ZNF385B: variants seen among roughly 807,000 people sequenced by gnomAD.
ZNF385B encodes zinc finger protein 385B, also known as zinc finger protein 533.
ZNF385B carries 23 observed loss-of-function variants against 39.2 expected under a neutral mutation model. The observed-to-expected ratio is 0.59, with a 90% confidence interval of 0.42 to 0.83. ZNF385B has a LOEUF of 0.83. Among genes scored for constraint, ZNF385B ranks in the 40% least tolerant of loss-of-function variants. ZNF385B has a pLI of 0.00. For missense variants in ZNF385B, 552 were observed against 598.9 expected, an observed-to-expected ratio of 0.92 and a Z score of 0.82; for synonymous variants, 205 against 222.6, an observed-to-expected ratio of 0.92 and a Z score of 0.70.
At chr2:179,744,859 A>G (rs895954713) in intron 3 of ZNF385B, among the ~76,000 whole-genome samples, 13 of 152,050 alleles carry the variant, frequency 8.5e-5, no homozygotes, top group Admixed American at 6.6e-4. Context: ...TAGAAACACC[A>G]GAATTAGAGT....
At chr2:179,738,174 A>G (rs1559147212) in intron 3 of ZNF385B, among the ~76,000 whole-genome samples, 1 of 152,220 alleles carries the variant, frequency 6.6e-6, no homozygotes, top group Non-Finnish European at 1.5e-5. Flanking sequence ...GAAGTTCTTT[A>G]TATCAAGCAA....
intron 5 of ZNF385B, among the ~76,000 whole-genome samples, chr2:179,499,123 A>G (rs1303127093): frequency 6.6e-6 from 1 of 152,012 alleles, no homozygotes; most frequent in Admixed American, 6.6e-5. Flanking sequence ...AACCAGGAAA[A>G]AATCCCAAAC....
rs1262426841 is a variant in ZNF385B, at chr2:179,537,762, CAAACA to C, written c.441+7060_441+7064del. Among the ~76,000 whole-genome samples the C allele has an allele frequency of 9.4e-3, 1,263 of 133,746 alleles. 17 individuals carry two copies. Among genetic ancestry groups the C allele is most frequent in the African/African-American group, 0.031 (1,195 of 38,480 alleles). 87.7% of individuals were successfully genotyped at this position (133,746 alleles called of 152,430 possible). ...TCTCAAAAACAAACAAACAAACAAACAAACAAAAAAAAAAATTAATAGAAATGTAA... is the reference window on the plus strand; with the variant it reads ...TCTCAAAAACAAACAAACAAACAAACAAAAAAAAAATTAATAGAAATGTAA... On this transcript the variant is annotated intron_variant, in intron 4 of 9. Coordinates refer to ENST00000410066, the MANE Select transcript of ZNF385B (RefSeq NM_152520.6).
At chr2:179,854,756 A>T (rs1453864172) in intron 1 of ZNF385B, among the ~76,000 whole-genome samples, 2 of 152,210 alleles carry the variant, frequency 1.3e-5, no homozygotes, top group African/African-American at 4.8e-5. Context: ...ATTATCTCTC[A>T]CAATGGGCCT....
At chr2:179,716,650 G>C (rs1700350123) in intron 3 of ZNF385B, among the ~76,000 whole-genome samples, 1 of 151,974 alleles carries the variant, frequency 6.6e-6, no homozygotes, top group Admixed American at 6.6e-5. Flanking sequence ...TTTATTCTGG[G>C]TGAATTGGCA....
intron 1 of ZNF385B, among the ~76,000 whole-genome samples, chr2:179,840,421 C>T (rs185887802): frequency 2.6e-5 from 4 of 152,252 alleles, no homozygotes; most frequent in African/African-American, 4.8e-5. Context: ...ATAAGAGCAA[C>T]GTCATGATTA....
chr2:179,743,775 A>C (rs1261582895), intron 3 of ZNF385B, among the ~76,000 whole-genome samples: 1 of 152,116 alleles, frequency 6.6e-6, no homozygotes, highest in Non-Finnish European at 1.5e-5. Context: ...ACAAACAAAA[A>C]CTGTATTTAA....
At chr2:179,823,944 A>G (rs1222330875) in intron 1 of ZNF385B, among the ~76,000 whole-genome samples, 1 of 152,096 alleles carries the variant, frequency 6.6e-6, no homozygotes, top group Non-Finnish European at 1.5e-5. Context: ...AATTACAGGT[A>G]TTTACTAGTT....
At chr2:179,714,713 A>AG (rs1043308984) in intron 3 of ZNF385B, among the ~76,000 whole-genome samples, 18 of 151,820 alleles carry the variant, frequency 1.2e-4, no homozygotes, top group African/African-American at 4.1e-4. Flanking sequence ...TGGGAGGGGG[A>AG]GGCGGGCGGA....
At chr2:179,499,103 A>G (rs931297206) in intron 5 of ZNF385B, among the ~76,000 whole-genome samples, 3 of 151,966 alleles carry the variant, frequency 2.0e-5, no homozygotes, top group Middle Eastern at 6.3e-3. Context: ...CATACTAACT[A>G]CTAATGTTGA....
chr2:179,474,237 G>A (rs534198826), intron 6 of ZNF385B, among the ~76,000 whole-genome samples: 1 of 152,238 alleles, frequency 6.6e-6, no homozygotes, highest in African/African-American at 2.4e-5. Context: ...GTAAGTGTAA[G>A]TTCACAAACC....
At chr2:179,701,289 C>A (rs1021958117) in intron 3 of ZNF385B, among the ~76,000 whole-genome samples, 3 of 152,138 alleles carry the variant, frequency 2.0e-5, no homozygotes, top group Non-Finnish European at 4.4e-5. Context: ...TTCCCCGGAG[C>A]TATTTTCTTT....
At chr2:179,812,631 G>T (rs1706808347) in intron 1 of ZNF385B, among the ~76,000 whole-genome samples, 1 of 152,040 alleles carries the variant, frequency 6.6e-6, no homozygotes, top group Non-Finnish European at 1.5e-5. Context: ...ATAAAAACCG[G>T]CAACCACTAG....
At chr2:179,725,939 T>C (rs985630177) in intron 3 of ZNF385B, among the ~76,000 whole-genome samples, 1 of 150,046 alleles carries the variant, frequency 6.7e-6, no homozygotes, top group African/African-American at 2.4e-5. Flanking sequence ...TATATGTGTA[T>C]ATACAGAGAG....
At chr2:179,664,971 T>A (rs1483315553) in intron 3 of ZNF385B, among the ~76,000 whole-genome samples, 2 of 152,118 alleles carry the variant, frequency 1.3e-5, no homozygotes, top group African/African-American at 2.4e-5. Context: ...ATGAAAAAAA[T>A]TTTAAACAGT....
intron 3 of ZNF385B, among the ~76,000 whole-genome samples, chr2:179,559,385 C>T (rs2061171561): frequency 6.6e-6 from 1 of 152,074 alleles, no homozygotes; most frequent in African/African-American, 2.4e-5. Flanking sequence ...GAAACTCTGC[C>T]ATTCTCCTGA....
At position 179,446,669 on chromosome 2, in the gene ZNF385B, C is replaced by T. The variant is rs745714675; in HGVS notation, c.817G>A (p.Ala273Thr). The T allele has an allele frequency of 3.7e-6, 6 of 1,613,412 alleles. No individual in the cohort carries two copies. Among genetic ancestry groups the T allele is most frequent in the Non-Finnish European group, 5.1e-6 (6 of 1,179,914 alleles). The change falls in exon 7 of 10, where the codon GCA becomes ACA. Residue 273 changes from alanine to threonine, a missense_variant. Coordinates refer to ENST00000410066, the MANE Select transcript of ZNF385B (RefSeq NM_152520.6). ...GTGCTCTTGGAGGGAGAAGTGGCTG[C>T]TCCAGGTGGCAGGGGTGTTGTGCCA... ...KSGTTPLPPG[A>T]ATSPSKSTNG... is the part of the protein sequence containing the mutation.
At chr2:179,756,118 C>G (rs1702997489) in intron 3 of ZNF385B, among the ~76,000 whole-genome samples, 1 of 151,810 alleles carries the variant, frequency 6.6e-6, no homozygotes, top group African/African-American at 2.4e-5. Flanking sequence ...TGGCTGGTAC[C>G]CGTTGTTCCT....
chr2:179,617,848 C>T (rs1201954242), intron 3 of ZNF385B, among the ~76,000 whole-genome samples: 1 of 152,092 alleles, frequency 6.6e-6, no homozygotes, highest in African/African-American at 2.4e-5. Flanking sequence ...TAATTTTCAA[C>T]CCTTCTAGAG....
Sources: gnomAD v4.1 joint callset for allele counts (sites outside exome capture counted in the v4.1 genomes callset) on GRCh38, gnomAD v4.1.1 for gene constraint, MANE v1.5 for transcripts, NCBI Gene and HGNC (gene_info 2026-07-23, HGNC 2026-07-21) for gene names.